Variants in EML4 observed in about 807,000 individuals in gnomAD.
EML4 encodes the protein EMAP like 4.
EML4 carries 72 observed loss-of-function variants against 129.0 expected under a neutral mutation model. That is an observed-to-expected ratio of 0.56 (90% CI 0.46 to 0.68). EML4 has a LOEUF of 0.68. Ranked by LOEUF, EML4 falls within the 30% of genes least tolerant of loss-of-function variation. The pLI is 0.00. For synonymous variants in EML4, 532 were observed against 405.0 expected (o/e 1.31, Z -3.77); for missense variants, 1,363 against 1,190.6 (o/e 1.14, Z -2.13).
chr2:42,193,657 C>G (rs1449901505), intron 1 of EML4, among the ~76,000 whole-genome samples: 2 of 151,400 alleles, frequency 1.3e-5, no homozygotes, highest in Non-Finnish European at 2.9e-5. Context: ...TGTCATCTAT[C>G]TATTGAGTCA....
chr2:42,247,066 T>C (rs571437509), intron 2 of EML4, among the ~76,000 whole-genome samples: 1 of 152,246 alleles, frequency 6.6e-6, no homozygotes, highest in East Asian at 1.9e-4. Flanking sequence ...TGAAGGCCAG[T>C]TTTAATTACT....
In EML4 at chr2:42,332,468, T is replaced by C. The variant is rs1023220636; in HGVS notation, c.*2261T>C. ...TGTTTCATGTGAAGATGTTGAGCCA[T>C]TGCTATCATGCATTCCTGTCTCATG... is the stretch of plus-strand genomic sequence containing the variant. On this transcript the variant is annotated 3_prime_UTR_variant, in exon 23 of 23. Transcript: ENST00000318522. 4 of 195,330 alleles carry C rather than the reference T, an allele frequency of 2.0e-5. No individual in the cohort carries two copies. Among genetic ancestry groups the C allele is most frequent in the African/African-American group, 6.9e-5 (3 of 43,202 alleles). 12.1% of individuals were successfully genotyped at this position (195,330 alleles called of 1,614,324 possible). A position where few individuals can be genotyped will look rare whatever the true frequency, so the allele number is the denominator to read the frequency against.
At chr2:42,246,964 TAATTGTAG>T (rs1675442947) in intron 2 of EML4, among the ~76,000 whole-genome samples, 1 of 152,324 alleles carries the variant, frequency 6.6e-6, no homozygotes, top group South Asian at 2.1e-4. Flanking sequence ...CAATTAAGAA[TAATTGTAG>T]AATTGAGAGC....
At chr2:42,231,230 C>T (rs1674321056) in intron 1 of EML4, among the ~76,000 whole-genome samples, 1 of 152,202 alleles carries the variant, frequency 6.6e-6, no homozygotes, top group African/African-American at 2.4e-5. Flanking sequence ...TGCAGTCTAA[C>T]ATTATGTCTC....
chr2:42,326,397 A>G, intron 21 of EML4, 145 bp downstream of exon 21: 2 of 600,030 alleles, frequency 3.3e-6, no homozygotes, highest in Non-Finnish European at 5.6e-6. Flanking sequence ...AATTAAATGT[A>G]TTAGGATTGA....
chr2:42,170,089 G>A (rs1235899731), intron 1 of EML4: 1 of 156,432 alleles, frequency 6.4e-6, no homozygotes, highest in Non-Finnish European at 1.4e-5. Context: ...CCCGAACAGA[G>A]GCTCCTTTTT....
At chr2:42,323,661 G>A (rs1461261557) in intron 19 of EML4, among the ~76,000 whole-genome samples, 2 of 152,006 alleles carry the variant, frequency 1.3e-5, no homozygotes, top group Non-Finnish European at 2.9e-5. Flanking sequence ...TCCTGGTCAG[G>A]TGCAGTGGCT....
chr2:42,258,968 C>T (rs1665534873), intron 3 of EML4, among the ~76,000 whole-genome samples: 1 of 152,086 alleles, frequency 6.6e-6, no homozygotes, highest in Non-Finnish European at 1.5e-5. Context: ...TAAATGGGAC[C>T]GGATGCAGTG....
intron 1 of EML4, among the ~76,000 whole-genome samples, chr2:42,197,793 A>T (rs1671981406): frequency 1.3e-5 from 2 of 152,232 alleles, no homozygotes; most frequent in Admixed American, 1.3e-4. Flanking sequence ...AGCTATTGAC[A>T]AAGATTACAG....
intron 1 of EML4, among the ~76,000 whole-genome samples, chr2:42,192,224 G>C (rs1239802156): frequency 1.2e-4 from 17 of 137,200 alleles, no homozygotes; most frequent in Non-Finnish European, 1.7e-4. Context: ...TTTTTTTGTT[G>C]TTTTTTTGTT....
chr2:42,217,855 T>A (rs1673295181), intron 1 of EML4, among the ~76,000 whole-genome samples: 1 of 150,072 alleles, frequency 6.7e-6, no homozygotes, highest in African/African-American at 2.5e-5. Context: ...GATTTACTTC[T>A]AAATATGTAG....
rs1670049914 is a variant in EML4 at position 42,330,531 on chromosome 2, A to AC, written c.*329dup. 4.3e-6 allele frequency: 2 copies of AC among 461,004 alleles called. No individual in the cohort carries two copies. The highest frequency in any genetic ancestry group is 6.8e-5 in the Admixed American group (2 of 29,478). The allele number at this position is 461,004 out of a possible 1,614,324, so 28.6% of individuals were successfully genotyped here. A position where few individuals can be genotyped will look rare whatever the true frequency, so the allele number is the denominator to read the frequency against. ...GCAGTTGCATTGATTTTGAAAACAA[A>AC]CCCCCTTGTTATCTGAACATGTTTT... On this transcript the variant is annotated 3_prime_UTR_variant, in exon 23 of 23. Coordinates refer to ENST00000318522, the MANE Select transcript of EML4 (RefSeq NM_019063.5).
chr2:42,187,010 A>G (rs947877894), intron 1 of EML4, among the ~76,000 whole-genome samples: 18 of 110,658 alleles, frequency 1.6e-4, no homozygotes, highest in African/African-American at 6.4e-4. Flanking sequence ...GCTTTTTTCC[A>G]TTGTATTTTG....
chr2:42,290,533 C>G (rs900534586), intron 11 of EML4, among the ~76,000 whole-genome samples: 2 of 150,964 alleles, frequency 1.3e-5, no homozygotes, highest in African/African-American at 4.9e-5. Context: ...TCGAGACCAG[C>G]CTGGGCAAAC....
chr2:42,289,606 T>C (rs1245102819), intron 11 of EML4: 3 of 152,198 alleles, frequency 2.0e-5, no homozygotes, highest in East Asian at 3.8e-4. Flanking sequence ...CCCTTAGTGA[T>C]TGACTCCGCA....
At position 42,295,551 on chromosome 2, in the gene EML4, A is replaced by G. The variant is rs200798274; in HGVS notation, c.1489+35A>G. 3.0e-5 allele frequency: 48 copies of G among 1,591,738 alleles called. No homozygotes were observed. The African/African-American group carries it at 3.2e-4, about 11-fold the overall frequency. On this transcript the variant is annotated intron_variant, in intron 13 of 22. Transcript: ENST00000318522. ...TCTTATATTAAACTCATTTCTGGTA[A>G]TTCTCACATAGTACTCTTTCAGTCC... is the stretch of plus-strand genomic sequence containing the variant.
At position 42,254,990 on chromosome 2, in the gene EML4, A is replaced by G. The variant is rs373510681; in HGVS notation, c.209-1511A>G. Among the ~76,000 whole-genome samples the G allele has an allele frequency of 3.9e-5, 6 of 152,192 alleles. No homozygotes were observed. The East Asian group carries it at 7.7e-4, about 20-fold the overall frequency. Reference sequence around the variant, plus strand: ...CTACAACATGGTGAACCTTGAAAACATTGTACTATATAAAAGAAGCCAAAC... The same window carrying G: ...CTACAACATGGTGAACCTTGAAAACGTTGTACTATATAAAAGAAGCCAAAC... On this transcript the variant is annotated intron_variant, in intron 2 of 22. Transcript: ENST00000318522.
intron 13 of EML4, among the ~76,000 whole-genome samples, chr2:42,298,726 G>T (rs1300120997): frequency 2.6e-5 from 4 of 151,994 alleles, no homozygotes; most frequent in Non-Finnish European, 5.9e-5. Flanking sequence ...ATCATTCTGG[G>T]AGGATTTTAA....
intron 6 of EML4, among the ~76,000 whole-genome samples, chr2:42,274,215 A>T (rs1325991505): frequency 2.0e-5 from 3 of 152,200 alleles, no homozygotes; most frequent in Non-Finnish European, 2.9e-5. Context: ...TCAGTTAAAT[A>T]TAAAACTCAA....
Sources: gnomAD v4.1 joint callset for allele counts (sites outside exome capture counted in the v4.1 genomes callset) on GRCh38, gnomAD v4.1.1 for gene constraint, MANE v1.5 for transcripts, NCBI Gene and HGNC (gene_info 2026-07-23, HGNC 2026-07-21) for gene names.